Variants in LONP2 observed in about 807,000 individuals in gnomAD.
LONP2 encodes lon protease homolog 2, peroxisomal.
LONP2 carries 60 observed loss-of-function variants against 85.6 expected under a neutral mutation model. The ratio of observed to expected loss-of-function variants is 0.70; its 90% confidence interval spans 0.57 to 0.87. LONP2 has a LOEUF of 0.87. LONP2 is among the 40% of genes least tolerant of loss of function. LONP2 has a pLI of 0.00. For missense variants in LONP2, 860 were observed against 1,063.5 expected, an observed-to-expected ratio of 0.81 and a Z score of 2.66; for synonymous variants, 395 against 389.7, an observed-to-expected ratio of 1.01 and a Z score of -0.16.
intron 1 of LONP2, among the ~76,000 whole-genome samples, chr16:48,250,559 G>C (rs1336588771): frequency 6.6e-6 from 1 of 151,622 alleles, no homozygotes; most frequent in African/African-American, 2.4e-5. Flanking sequence ...AATTAAATTT[G>C]TCTCCTGATC....
At chr16:48,325,216 G>A (rs570842842) in intron 11 of LONP2, among the ~76,000 whole-genome samples, 3 of 152,200 alleles carry the variant, frequency 2.0e-5, no homozygotes, top group South Asian at 2.1e-4. Flanking sequence ...ATCTAATGCC[G>A]CTGCTGATCT....
intron 11 of LONP2, among the ~76,000 whole-genome samples, chr16:48,308,494 G>C (rs1972959036): frequency 1.3e-5 from 2 of 151,928 alleles, no homozygotes; most frequent in Admixed American, 1.3e-4. Flanking sequence ...GGGCGTGCTG[G>C]TGCATGCCTA....
intron 8 of LONP2, among the ~76,000 whole-genome samples, chr16:48,290,090 C>G (rs950425421): frequency 2.0e-5 from 3 of 152,026 alleles, no homozygotes; most frequent in African/African-American, 7.3e-5. Context: ...TTCTTTAATC[C>G]CTATTTTAAT....
At chr16:48,343,146 T>G (rs16946120) in intron 12 of LONP2, among the ~76,000 whole-genome samples, 1,864 of 152,254 alleles carry the variant, frequency 0.012, 40 homozygotes, top group African/African-American at 0.042. Context: ...CCAGGAGGTA[T>G]TCATGCTTAT....
intron 11 of LONP2, among the ~76,000 whole-genome samples, chr16:48,327,705 G>T (rs745731896): frequency 6.6e-6 from 1 of 152,242 alleles, no homozygotes; most frequent in Admixed American, 6.5e-5. Context: ...TGATCTGCCC[G>T]CCTCAGCCTC....
chr16:48,310,365 G>A (rs1973005418), intron 11 of LONP2, among the ~76,000 whole-genome samples: 1 of 150,746 alleles, frequency 6.6e-6, no homozygotes, highest in Non-Finnish European at 1.5e-5. Context: ...TTTCTTTTAA[G>A]CAAGAGTCTT....
chr16:48,338,850 A>G (rs1328629698), intron 12 of LONP2, among the ~76,000 whole-genome samples: 2 of 152,000 alleles, frequency 1.3e-5, no homozygotes, highest in Non-Finnish European at 2.9e-5. Flanking sequence ...GGAGGTTGCA[A>G]TGAGCCAAGA....
chr16:48,280,206 T>TAAGA (rs1294876154), intron 8 of LONP2, among the ~76,000 whole-genome samples: 19 of 152,230 alleles, frequency 1.2e-4, no homozygotes, highest in African/African-American at 4.6e-4. Context: ...TTATATAATA[T>TAAGA]CTTTAGACTT....
At chr16:48,361,551 C>CCTAA, downstream of LONP2, 1 of 1,604,720 alleles carries the variant, frequency 6.2e-7, no homozygotes, top group African/African-American at 1.3e-5. Context: ...AAGTTTTAAA[C>CCTAA]ACTGGCCAGA....
At chr16:48,334,130 T>C in intron 11 of LONP2, 86 bp from the exon 12 acceptor site, 1 of 1,285,906 alleles carries the variant, frequency 7.8e-7, no homozygotes, top group Non-Finnish European at 1.1e-6. Flanking sequence ...TGAGGTCCAC[T>C]GGGCTTTTGT....
chr16:48,248,563 A>C (rs1048489411), intron 1 of LONP2, among the ~76,000 whole-genome samples: 1 of 152,168 alleles, frequency 6.6e-6, no homozygotes, highest in African/African-American at 2.4e-5. Flanking sequence ...CTATATCCAA[A>C]TGGGTAGTTT....
At chr16:48,304,793 G>T (rs1444270437) in intron 11 of LONP2, among the ~76,000 whole-genome samples, 3 of 152,330 alleles carry the variant, frequency 2.0e-5, no homozygotes, top group Non-Finnish European at 4.4e-5. Flanking sequence ...ATGCTGTTAT[G>T]CAGTTTGCCA....
Position 48,348,222 on chromosome 16 carries a change from A to C in LONP2, c.2269A>C (p.Ser757Arg). ...AGTAACCTGTCTCGCCTCACTTTTT[A>C]GTGGGCGGCTGGTACGTTCAGATGT... Reference protein sequence around the residue: ...TIVTCLASLFSGRLVRSDVAM... With the variant: ...TIVTCLASLFRGRLVRSDVAM... Residue 757 changes from serine to arginine, a missense_variant, in exon 14 of 15, where the codon AGT becomes CGT. This residue lies in a region of LONP2 where 115 missense variants were observed against 129.0 expected (regional missense o/e 0.89). Transcript: ENST00000285737. 6.2e-7 allele frequency: 1 copy of C among 1,612,218 alleles called. No homozygotes were observed. The highest frequency in any genetic ancestry group is 8.5e-7 in the Non-Finnish European group (1 of 1,179,608).
At chr16:48,287,200 C>A (rs1972461929) in intron 8 of LONP2, among the ~76,000 whole-genome samples, 1 of 152,226 alleles carries the variant, frequency 6.6e-6, no homozygotes, top group African/African-American at 2.4e-5. Context: ...CTGCCTTAGC[C>A]TTCACTTCCT....
At chr16:48,293,507 CT>C (rs1235206543) in intron 8 of LONP2, among the ~76,000 whole-genome samples, 1 of 151,916 alleles carries the variant, frequency 6.6e-6, no homozygotes, top group East Asian at 1.9e-4. Context: ...GTAAGGATTA[CT>C]TTATTCAAGG....
Position 48,352,594 on chromosome 16 carries a change from A to G in LONP2, c.*792A>G, listed in dbSNP as rs1395516837. On this transcript the variant is annotated 3_prime_UTR_variant, in exon 15 of 15. Transcript: ENST00000285737. ...GGTTGCAGTGAGCTGGGATCGCGCCATTGCACTCCAGCCTGGCTGACAGAG... is the reference window on the plus strand; with the variant it reads ...GGTTGCAGTGAGCTGGGATCGCGCCGTTGCACTCCAGCCTGGCTGACAGAG... 6.6e-6 allele frequency: 1 copy of G among 152,270 alleles called. No individual in the cohort carries two copies. Among genetic ancestry groups the G allele is most frequent in the Non-Finnish European group, 1.5e-5 (1 of 68,150 alleles). The allele number at this position is 152,270 out of a possible 1,614,324, so 9.4% of individuals were successfully genotyped here. A position where few individuals can be genotyped will look rare whatever the true frequency, so the allele number is the denominator to read the frequency against.
intron 1 of LONP2, 109 bp downstream of exon 1, chr16:48,244,730 C>T (rs1177805364): frequency 5.3e-6 from 4 of 750,944 alleles, no homozygotes; most frequent in Non-Finnish European, 7.6e-6. Flanking sequence ...GGGCGGCCTT[C>T]GCGGCTCGGT....
intron 11 of LONP2, among the ~76,000 whole-genome samples, chr16:48,303,904 C>G (rs570245729): frequency 8.5e-5 from 13 of 152,324 alleles, no homozygotes; most frequent in African/African-American, 3.1e-4. Context: ...CTTCTTTTCT[C>G]TGCTTTATTC....
intron 11 of LONP2, among the ~76,000 whole-genome samples, chr16:48,332,514 C>A (rs1236284576): frequency 1.3e-5 from 2 of 152,116 alleles, no homozygotes; most frequent in African/African-American, 4.8e-5. Flanking sequence ...GAGTTCGAGA[C>A]CAGCCTGGCC....
Sources: gnomAD v4.1 joint callset for allele counts (sites outside exome capture counted in the v4.1 genomes callset) on GRCh38, gnomAD v4.1.1 for gene constraint, gnomAD v4.1.1 regional missense constraint, MANE v1.5 for transcripts, NCBI Gene and HGNC (gene_info 2026-07-23, HGNC 2026-07-21) for gene names.